Variants in IQCM observed in about 807,000 individuals in gnomAD.
IQCM encodes the protein IQ motif containing M.
Under a neutral mutation model 57.6 loss-of-function variants are expected in IQCM, and 45 were observed. The ratio of observed to expected loss-of-function variants is 0.78; its 90% CI spans 0.62 to 1.00. The LOEUF (loss-of-function observed/expected upper bound fraction) is 1.00, where lower values mean the gene tolerates loss of function less well. Ranked by LOEUF, IQCM falls within the 50% of genes least tolerant of loss-of-function variation. The probability of loss-of-function intolerance (pLI) is 0.00; values close to 1 mark genes in which losing one functional copy is unlikely to be tolerated. For synonymous variants in IQCM, 148 were observed against 158.9 expected, an observed-to-expected ratio of 0.93 and a Z score of 0.51; for missense variants, 468 against 511.6, an observed-to-expected ratio of 0.91 and a Z score of 0.82.
chr4:149,479,353 T>C (rs183373664), intron 12 of IQCM, among the ~76,000 whole-genome samples: 19 of 152,304 alleles, frequency 1.2e-4, no homozygotes, highest in Admixed American at 2.6e-4. Flanking sequence ...GCCAAAGTTA[T>C]AATATTTGGG....
intron 8 of IQCM, among the ~76,000 whole-genome samples, chr4:149,612,587 G>T (rs1260183308): frequency 2.0e-5 from 3 of 151,998 alleles, no homozygotes; most frequent in Non-Finnish European, 2.9e-5. Flanking sequence ...CAATTCCTGT[G>T]CTCTAAATTG....
intron 12 of IQCM, among the ~76,000 whole-genome samples, chr4:149,458,396 C>A (rs564175278): frequency 6.6e-6 from 1 of 151,652 alleles, no homozygotes; most frequent in Non-Finnish European, 1.5e-5. Context: ...TTAAAAAGTA[C>A]CCAGTAAGTA....
intron 9 of IQCM, among the ~76,000 whole-genome samples, chr4:149,582,861 T>C (rs1353059245): frequency 2.0e-5 from 3 of 151,520 alleles, no homozygotes; most frequent in Non-Finnish European, 4.4e-5. Flanking sequence ...AGAAAAGTTT[T>C]TAGGTGAGAA....
At chr4:149,532,132 T>C (rs981731722) in intron 12 of IQCM, among the ~76,000 whole-genome samples, 1 of 152,048 alleles carries the variant, frequency 6.6e-6, no homozygotes, top group Non-Finnish European at 1.5e-5. Context: ...CACAACATCA[T>C]AGCAGAAAAT....
chr4:149,684,016 C>T (rs1256123508), intron 6 of IQCM, among the ~76,000 whole-genome samples: 1 of 151,314 alleles, frequency 6.6e-6, no homozygotes, highest in Non-Finnish European at 1.5e-5. Flanking sequence ...AATGCATTTA[C>T]TGAAATGCAG....
At chr4:149,361,569 G>A (rs1258177010) in intron 13 of IQCM, among the ~76,000 whole-genome samples, 2 of 152,210 alleles carry the variant, frequency 1.3e-5, no homozygotes, top group Non-Finnish European at 2.9e-5. Flanking sequence ...CCAACGTACA[G>A]CTCAGGCTGT....
At chr4:149,508,026 C>G (rs1029703326) in intron 12 of IQCM, among the ~76,000 whole-genome samples, 13 of 151,698 alleles carry the variant, frequency 8.6e-5, no homozygotes, top group African/African-American at 3.2e-4. Flanking sequence ...AGCTGCCAAG[C>G]CTTGGCAGCT....
intron 2 of IQCM, among the ~76,000 whole-genome samples, chr4:149,765,746 T>C (rs1030080695): frequency 3.3e-5 from 5 of 152,112 alleles, no homozygotes; most frequent in African/African-American, 1.2e-4. Context: ...TCACAAGATT[T>C]GTGACTTCCC....
At chr4:149,576,673 C>T (rs115859435) in intron 9 of IQCM, among the ~76,000 whole-genome samples, 1,587 of 152,050 alleles carry the variant, frequency 0.01, 35 homozygotes, top group African/African-American at 0.036. Context: ...GATTCCATGT[C>T]TTTGCTATGG....
At chr4:149,359,338 T>G (rs753072299) in intron 13 of IQCM, among the ~76,000 whole-genome samples, 1 of 152,210 alleles carries the variant, frequency 6.6e-6, no homozygotes, top group Non-Finnish European at 1.5e-5. Context: ...GAAATACATG[T>G]AAAATATTAA....
At chr4:149,714,916 C>A (rs1764863621) in intron 5 of IQCM, among the ~76,000 whole-genome samples, 1 of 152,132 alleles carries the variant, frequency 6.6e-6, no homozygotes. Context: ...TGGTATGGGG[C>A]AAGATTTCAT....
chr4:149,431,132 G>GAGAC (rs146435750), intron 13 of IQCM, among the ~76,000 whole-genome samples: 2,678 of 152,038 alleles, frequency 0.018, 78 homozygotes, highest in African/African-American at 0.062. Flanking sequence ...TCAAACTTGG[G>GAGAC]AGACAGAGGT....
intron 2 of IQCM, among the ~76,000 whole-genome samples, chr4:149,750,303 T>A (rs1222824103): frequency 2.6e-5 from 4 of 152,216 alleles, no homozygotes; most frequent in Non-Finnish European, 4.4e-5. Flanking sequence ...CACCTGAAAT[T>A]CCCATTCAGT....
At chr4:149,407,024 G>T (rs1733026644) in intron 13 of IQCM, among the ~76,000 whole-genome samples, 1 of 151,840 alleles carries the variant, frequency 6.6e-6, no homozygotes, top group African/African-American at 2.4e-5. Flanking sequence ...AAGGCGAAAG[G>T]CACGTTTTAC....
intron 3 of IQCM, among the ~76,000 whole-genome samples, chr4:149,741,010 T>G (rs1767407844): frequency 6.6e-6 from 1 of 152,088 alleles, no homozygotes; most frequent in African/African-American, 2.4e-5. Flanking sequence ...ATACAATAAT[T>G]TATATTAATT....
At chr4:149,551,647 T>C (rs979512367) in intron 11 of IQCM, among the ~76,000 whole-genome samples, 2 of 152,180 alleles carry the variant, frequency 1.3e-5, no homozygotes, top group Admixed American at 6.5e-5. Context: ...TGTAAGGTTT[T>C]AGTATATATT....
At chr4:149,520,134 T>G (rs1745465982) in intron 12 of IQCM, among the ~76,000 whole-genome samples, 3 of 152,230 alleles carry the variant, frequency 2.0e-5, no homozygotes, top group Admixed American at 2.0e-4. Flanking sequence ...TTTAAAGTGC[T>G]TATCTATAGC....
intron 5 of IQCM, among the ~76,000 whole-genome samples, chr4:149,721,376 A>C (rs2149855448): frequency 6.6e-6 from 1 of 152,104 alleles, no homozygotes; most frequent in South Asian, 2.1e-4. Flanking sequence ...CTTGAATTTT[A>C]GTGTACCCAT....
At chr4:149,777,280 A>G (rs1771178704) in intron 2 of IQCM, among the ~76,000 whole-genome samples, 1 of 152,218 alleles carries the variant, frequency 6.6e-6, no homozygotes, top group African/African-American at 2.4e-5. Flanking sequence ...TCAAGAATGT[A>G]TAAATATTGA....
Sources: gnomAD v4.1 joint callset for allele counts (sites outside exome capture counted in the v4.1 genomes callset) on GRCh38, gnomAD v4.1.1 for gene constraint, MANE v1.5 for transcripts, NCBI Gene and HGNC (gene_info 2026-07-23, HGNC 2026-07-21) for gene names.